The following LTO1 variants were observed in gnomAD, a reference collection of about 807,000 sequenced individuals.
LTO1 encodes the protein protein LTO1 homolog.
In LTO1, 18 loss-of-function variants were observed where a neutral mutation model predicts 19.8. The observed-to-expected ratio is 0.91, with a 90% CI of 0.63 to 1.35. The LOEUF (loss-of-function observed/expected upper bound fraction) is 1.35. Ranked by LOEUF, LTO1 falls within the 40% of genes most tolerant of loss-of-function variation. The pLI is 0.00. For missense variants in LTO1, 175 were observed against 167.9 expected (o/e 1.04, Z -0.23); for synonymous variants, 59 against 59.6 (o/e 0.99, Z 0.05).
rs753799952 is a variant in LTO1, at chr11:69,673,329, G to A, written c.51-8C>T. 3 of 1,543,864 alleles carry A rather than the reference G, an allele frequency of 1.9e-6. No individual in the cohort carries two copies. The highest frequency in any genetic ancestry group is 1.1e-5 in the South Asian group (1 of 89,604). On this transcript the variant is annotated splice_region_variant and splice_polypyrimidine_tract_variant and intron_variant, in intron 1 of 4. Coordinates refer to ENST00000279147, the MANE Select transcript of LTO1 (RefSeq NM_153451.3). The stretch of plus-strand genomic sequence containing the variant: ...TACCCTTCCCCATGAAACCTGTGAA[G>A]AAGAAGCATGCTTCATCAAATCAAC...
At chr11:69,667,803 C>A (rs1856053582) in intron 4 of LTO1, 92 bp downstream of exon 4, 1 of 800,330 alleles carries the variant, frequency 1.2e-6, no homozygotes, top group Non-Finnish European at 2.2e-6. Context: ...CAGCCCCAGG[C>A]CATTGCCGCA....
In LTO1 at chr11:69,673,197, G is replaced by A; in HGVS notation, c.156+19C>T. The A allele has an allele frequency of 7.6e-7, 1 of 1,317,432 alleles. No homozygotes were observed. The highest frequency in any genetic ancestry group is 1.1e-6 in the Non-Finnish European group (1 of 908,906). The allele number at this position is 1,317,432 out of a possible 1,614,324, so 81.6% of individuals were successfully genotyped here. ...TGTAAATGAAGAGGCTTCATCTCCA[G>A]ATGGGGGTTCCCACTTACCTCAGAC... On this transcript the variant is annotated intron_variant, in intron 2 of 4. Coordinates refer to ENST00000279147, the MANE Select transcript of LTO1 (RefSeq NM_153451.3).
chr11:69,670,889 A>G (rs1210743361), intron 3 of LTO1, among the ~76,000 whole-genome samples: 2 of 151,998 alleles, frequency 1.3e-5, no homozygotes, highest in Non-Finnish European at 2.9e-5. Flanking sequence ...CAATGCAGGA[A>G]GAAGAGTTTT....
rs61360017 is a variant in LTO1, at chr11:69,667,300, A to G, written c.*219T>C. 0.086 allele frequency: 49,709 copies of G among 578,172 alleles called. 2,993 individuals are homozygous for G. The highest frequency in any genetic ancestry group is 0.098 in the Non-Finnish European group (32,096 of 326,720). 35.8% of individuals were successfully genotyped at this position (578,172 alleles called of 1,614,324 possible). On this transcript the variant is annotated 3_prime_UTR_variant, in exon 5 of 5. Transcript: ENST00000279147. Reference sequence around the variant, plus strand: ...CGAGGGCTCTGCCAGGGACGGCTTCAGCCCAACAAAGGGCATGTGTGGCGA... The same window carrying G: ...CGAGGGCTCTGCCAGGGACGGCTTCGGCCCAACAAAGGGCATGTGTGGCGA...
intron 3 of LTO1, among the ~76,000 whole-genome samples, chr11:69,670,772 C>T (rs183093457): frequency 6.6e-6 from 1 of 152,364 alleles, no homozygotes; most frequent in African/African-American, 2.4e-5. Flanking sequence ...AGGTCCCGCG[C>T]TTGCTGCTGC....
At chr11:69,668,301 C>T (rs1165418199) in intron 3 of LTO1, 2 of 324,820 alleles carry the variant, frequency 6.2e-6, no homozygotes, top group South Asian at 4.1e-5. Context: ...TGCTGACTCT[C>T]GAGGTCACAC....
intron 3 of LTO1, among the ~76,000 whole-genome samples, chr11:69,671,174 T>C (rs577418214): frequency 2.0e-5 from 3 of 152,218 alleles, no homozygotes; most frequent in South Asian, 2.1e-4. Context: ...GCTGGGATTA[T>C]AGGAGTGAGC....
At position 69,667,918 on chromosome 11, in the gene LTO1, T is replaced by C; in HGVS notation, c.322A>G (p.Lys108Glu). Residue 108 changes from lysine to glutamate, a missense_variant, in exon 4 of 5, where the codon AAG becomes GAG. Coordinates refer to ENST00000279147, the MANE Select transcript of LTO1 (RefSeq NM_153451.3). ...ACCTGTTTAAATTTTCCTCTGATCTTGTCTAAGTCTTCATGGAGTTTATCG... is the reference window on the plus strand; with the variant it reads ...ACCTGTTTAAATTTTCCTCTGATCTCGTCTAAGTCTTCATGGAGTTTATCG... ...TYDKLHEDLD[K>E]IRGKFKQFCS... 1.3e-6 allele frequency: 2 copies of C among 1,551,508 alleles called. No individual in the cohort carries two copies. The highest frequency in any genetic ancestry group is 1.1e-5 in the South Asian group (1 of 89,816).
intron 3 of LTO1, chr11:69,668,361 C>A (rs1014444067): frequency 5.2e-6 from 1 of 193,286 alleles, no homozygotes; most frequent in Non-Finnish European, 1.1e-5. Context: ...TGGGCACGAG[C>A]AGGCCTGCTC....
In LTO1 at chr11:69,671,822, G is replaced by C; in HGVS notation, c.157-3C>G. 1 of 1,553,568 alleles carries C rather than the reference G, an allele frequency of 6.4e-7. No individual in the cohort carries two copies. Among genetic ancestry groups the C allele is most frequent in the Middle Eastern group, 1.7e-4 (1 of 5,938 alleles). On this transcript the variant is annotated splice_polypyrimidine_tract_variant and splice_region_variant and intron_variant, in intron 2 of 4. Coordinates refer to ENST00000279147, the MANE Select transcript of LTO1 (RefSeq NM_153451.3). ...GCAAAACCTTGGTAGCACCCGATCT[G>C]TGAATGTGAAAAATATTTAAGAGTG...
chr11:69,675,266 C>A lies in LTO1; in HGVS notation c.-27G>T. 1 of 1,479,088 alleles carries A rather than the reference C, an allele frequency of 6.8e-7. No homozygotes were observed. The highest frequency in any genetic ancestry group is 9.0e-7 in the Non-Finnish European group (1 of 1,115,420). 91.6% of individuals were successfully genotyped at this position (1,479,088 alleles called of 1,614,324 possible). Reference sequence around the variant, plus strand: ...GCGGCAAGCAGCCCGCCCTTGGCCCCCGGGTTTCTGCAGCCCCGCGGTGCC... The same window carrying A: ...GCGGCAAGCAGCCCGCCCTTGGCCCACGGGTTTCTGCAGCCCCGCGGTGCC... On this transcript the variant is annotated 5_prime_UTR_variant, in exon 1 of 5. Transcript: ENST00000279147.
chr11:69,671,440 C>A, intron 3 of LTO1: 2 of 264,420 alleles, frequency 7.6e-6, no homozygotes, highest in Non-Finnish European at 1.5e-5. Context: ...CAATCAATGT[C>A]AACATTATTT....
chr11:69,675,112 C>T (rs1300299529), intron 1 of LTO1, 78 bp downstream of exon 1: 1 of 1,360,982 alleles, frequency 7.3e-7, no homozygotes, highest in Non-Finnish European at 1.0e-6. Context: ...CCAGCAGCCG[C>T]CCTGGGCCGC....
chr11:69,671,776 A>G lies in LTO1; in HGVS notation c.200T>C (p.Leu67Pro). ...QGFAFAWKCL[L>P]HSCTTEKDSR... Reference sequence around the variant, plus strand: ...GTCCTTCTCAGTGGTGCAACTGTGCAGTAGACATTTCCATGCAAAAGCAAA... The same window carrying G: ...GTCCTTCTCAGTGGTGCAACTGTGCGGTAGACATTTCCATGCAAAAGCAAA... Residue 67 changes from leucine to proline, a missense_variant, in exon 3 of 5, where the codon CTG becomes CCG. Leu to Pro is a moderately conservative substitution (Grantham distance 98). Transcript: ENST00000279147. 6.2e-7 allele frequency: 1 copy of G among 1,602,310 alleles called. No individual in the cohort carries two copies. The highest frequency in any genetic ancestry group is 8.6e-7 in the Non-Finnish European group (1 of 1,169,218).
intron 1 of LTO1, chr11:69,674,833 A>G: frequency 1.9e-6 from 1 of 528,874 alleles, no homozygotes; most frequent in Non-Finnish European, 3.6e-6. Context: ...CGTATGTCCT[A>G]TGATTAAGGA....
At position 69,667,218 on chromosome 11, in the gene LTO1, A is replaced by T. The variant is rs1565078157; in HGVS notation, c.*301T>A. On this transcript the variant is annotated 3_prime_UTR_variant, in exon 5 of 5. Transcript: ENST00000279147. ...TGGTGACTGACCCTATCCAGAGCCA[A>T]CTCCAACCCAGAACCAGCTAGGCCT... 7 of 414,522 alleles carry T rather than the reference A, an allele frequency of 1.7e-5. No individual in the cohort carries two copies. The highest frequency in any genetic ancestry group is 1.3e-4 in the East Asian group (3 of 23,716). 25.7% of individuals were successfully genotyped at this position (414,522 alleles called of 1,614,324 possible). A position where few individuals can be genotyped will look rare whatever the true frequency, so the allele number is the denominator to read the frequency against.
chr11:69,667,773 G>A (rs937408051), intron 4 of LTO1, 122 bp downstream of exon 4: 25 of 728,542 alleles, frequency 3.4e-5, no homozygotes, highest in Admixed American at 2.7e-4. Flanking sequence ...GCGCCTCTAC[G>A]GACAGTTCCG....
At chr11:69,667,649 TAACTC>T (rs1375014790) in intron 4 of LTO1, 62 bp from the exon 5 acceptor site, 1 of 1,165,762 alleles carries the variant, frequency 8.6e-7, no homozygotes, top group Non-Finnish European at 1.3e-6. Flanking sequence ...AATGAGAAGA[TAACTC>T]TATCTCTAGC....
Position 69,665,831 on chromosome 11 carries a change from G to A in LTO1, c.*1688C>T, listed in dbSNP as rs1045912854. 6.6e-6 allele frequency: 1 copy of A among 152,150 alleles called. No homozygotes were observed. The highest frequency in any genetic ancestry group is 2.4e-5 in the African/African-American group (1 of 41,418). 9.4% of individuals were successfully genotyped at this position (152,150 alleles called of 1,614,324 possible). A position where few individuals can be genotyped will look rare whatever the true frequency, so the allele number is the denominator to read the frequency against. ...AGCCACACACGCAGGTTTAGAGTTC[G>A]GGAGGAGGAGACCTAAGTCCTGTCT... On this transcript the variant is annotated 3_prime_UTR_variant, in exon 5 of 5. Coordinates refer to ENST00000279147, the MANE Select transcript of LTO1 (RefSeq NM_153451.3).
Sources: gnomAD v4.1 joint callset for allele counts (sites outside exome capture counted in the v4.1 genomes callset) on GRCh38, gnomAD v4.1.1 for gene constraint, MANE v1.5 for transcripts, NCBI Gene and HGNC (gene_info 2026-07-23, HGNC 2026-07-21) for gene names.